The following STAB2 variants were observed in gnomAD, a reference collection of about 807,000 sequenced individuals.
STAB2 encodes stabilin 2.
A neutral mutation model predicts 338.1 loss-of-function variants in STAB2; 288 were observed. The ratio of observed to expected loss-of-function variants is 0.85; its 90% CI spans 0.77 to 0.94. STAB2 has a LOEUF of 0.94. STAB2 is among the 40% of genes least tolerant of loss of function. The pLI is 0.00. For missense variants in STAB2, 3,141 were observed against 3,210.1 expected, an observed-to-expected ratio of 0.98 and a Z score of 0.52; for synonymous variants, 1,202 against 1,193.3, an observed-to-expected ratio of 1.01 and a Z score of -0.15.
At chr12:103,737,597 TC>T (rs1566061768) in intron 52 of STAB2, 36 bp from the exon 53 acceptor site, 269 of 1,323,894 alleles carry the variant, frequency 2.0e-4, no homozygotes, top group East Asian at 6.5e-4. Flanking sequence ...TCTCTCTCTC[TC>T]TCTTTCTCTT....
intron 5 of STAB2, among the ~76,000 whole-genome samples, chr12:103,626,176 G>A (rs975164959): frequency 5.9e-5 from 9 of 152,238 alleles, no homozygotes; most frequent in Non-Finnish European, 8.8e-5. Flanking sequence ...TTGTCTGTTT[G>A]CACTGTCCCA....
At chr12:103,736,175 A>G (rs1263315601) in intron 52 of STAB2, among the ~76,000 whole-genome samples, 2 of 152,246 alleles carry the variant, frequency 1.3e-5, no homozygotes. Context: ...CTTTCATAAA[A>G]GAAATCTTTA....
chr12:103,742,402 C>T lies in STAB2; in HGVS notation c.5882-3C>T, dbSNP rs1335550706. On this transcript the variant is annotated splice_polypyrimidine_tract_variant and splice_region_variant and intron_variant, in intron 55 of 68. Transcript: ENST00000388887. ...TGAGTCACTGCTGTTTCATCTCTTC[C>T]AGCCTGCCCTGGAGGACCAGATGCC... is the stretch of plus-strand genomic sequence containing the variant. 6.2e-7 allele frequency: 1 copy of T among 1,613,930 alleles called. No homozygotes were observed. Among genetic ancestry groups the T allele is most frequent in the East Asian group, 2.2e-5 (1 of 44,886 alleles).
intron 6 of STAB2, among the ~76,000 whole-genome samples, chr12:103,636,565 A>G (rs1957551687): frequency 6.6e-6 from 1 of 152,088 alleles, no homozygotes. Context: ...ATGGGAATTG[A>G]GGTTTGGAAA....
intron 9 of STAB2, among the ~76,000 whole-genome samples, chr12:103,640,693 T>A (rs1342796355): frequency 6.6e-6 from 1 of 152,184 alleles, no homozygotes; most frequent in Non-Finnish European, 1.5e-5. Context: ...GACTCTAGAT[T>A]TCAAAAGAAG....
At chr12:103,641,942 T>G (rs1354610904) in intron 9 of STAB2, among the ~76,000 whole-genome samples, 2 of 152,220 alleles carry the variant, frequency 1.3e-5, no homozygotes, top group African/African-American at 4.8e-5. Flanking sequence ...AAAAATTTAT[T>G]TCATTTATGC....
Position 103,695,620 on chromosome 12 carries a change from A to C in STAB2, c.3446A>C (p.Asp1149Ala), listed in dbSNP as rs1437291630. 6.2e-7 allele frequency: 1 copy of C among 1,614,206 alleles called. No homozygotes were observed. Among genetic ancestry groups the C allele is most frequent in the South Asian group, 1.1e-5 (1 of 91,086 alleles). Residue 1149 changes from aspartate to alanine, a missense_variant, in exon 32 of 69, where the codon GAC (aspartate) becomes GCC (alanine). Coordinates refer to ENST00000388887, the MANE Select transcript of STAB2 (RefSeq NM_017564.10). ...CTCATGCGGCTGGAACAGATGCCTG[A>C]CTATTCCATCTTCCGGGGCTACATC... ...NLLMRLEQMP[D>A]YSIFRGYIIQ...
At chr12:103,686,195 C>A (rs1371255659) in intron 27 of STAB2, among the ~76,000 whole-genome samples, 1 of 152,138 alleles carries the variant, frequency 6.6e-6, no homozygotes, top group Non-Finnish European at 1.5e-5. Flanking sequence ...AAATCACGAG[C>A]CTAACAATTC....
chr12:103,668,708 G>A lies in STAB2; in HGVS notation c.2151G>A (p.Arg717=). The change falls in exon 20 of 69, where the codon CGG becomes CGA. Residue 717 remains arginine (R), a synonymous_variant. Coordinates refer to ENST00000388887, the MANE Select transcript of STAB2 (RefSeq NM_017564.10). ...GGAGCCTGAAGAGCGGCTGTGCCCG[G>A]TACTGCAATGCCACTGTGAAGGTGA... is the stretch of plus-strand genomic sequence containing the variant. ...RFGSLKSGCA[R]YCNATVKIPK... is the part of the protein sequence containing the mutation. 5.8e-6 allele frequency: 9 copies of A among 1,548,778 alleles called. No homozygotes were observed. Among genetic ancestry groups the A allele is most frequent in the Non-Finnish European group, 7.9e-6 (9 of 1,145,300 alleles).
intron 3 of STAB2, among the ~76,000 whole-genome samples, chr12:103,613,124 C>G (rs575139846): frequency 6.6e-6 from 1 of 152,324 alleles, no homozygotes; most frequent in African/African-American, 2.4e-5. Context: ...AGTTAGGCTA[C>G]TTGGGGGTCA....
chr12:103,737,535 T>C (rs1882223195), intron 52 of STAB2, 99 bp from the exon 53 acceptor site: 1 of 1,351,610 alleles, frequency 7.4e-7, no homozygotes, highest in East Asian at 2.5e-5. Flanking sequence ...CCATGTTACA[T>C]GGCTGGGAAA....
chr12:103,737,508 A>T, intron 52 of STAB2, 126 bp from the exon 53 acceptor site: 2 of 1,006,706 alleles, frequency 2.0e-6, no homozygotes, highest in East Asian at 5.3e-5. Flanking sequence ...GTTCTTCCTG[A>T]GTCTTGCAGT....
In STAB2 at chr12:103,685,232, C is replaced by T. The variant is rs1877290160; in HGVS notation, c.2997+148C>T. 9.6e-6 allele frequency: 7 copies of T among 730,576 alleles called. No individual in the cohort carries two copies. The South Asian group carries it at 1.4e-4, about 15-fold the overall frequency. 45.3% of individuals were successfully genotyped at this position (730,576 alleles called of 1,614,324 possible). The stretch of plus-strand genomic sequence containing the variant: ...CTGTTTCTCACAGATGACATACATG[C>T]TCTGTGGGTCACGTTTTCTACAGGC... On this transcript the variant is annotated intron_variant, in intron 27 of 68. Transcript: ENST00000388887.
At chr12:103,675,831 C>A (rs1876291184) in intron 23 of STAB2, 97 bp from the exon 24 acceptor site, 3 of 888,036 alleles carry the variant, frequency 3.4e-6, no homozygotes, top group Non-Finnish European at 5.2e-6. Context: ...AAGGATGGAG[C>A]CATTTGGCCA....
At chr12:103,708,018 A>G (rs1275501308) in intron 38 of STAB2, among the ~76,000 whole-genome samples, 2 of 152,178 alleles carry the variant, frequency 1.3e-5, no homozygotes, top group African/African-American at 2.4e-5. Context: ...CATCTGTGTA[A>G]TTGAGGAAGC....
chr12:103,621,141 A>G (rs752454379), intron 4 of STAB2, among the ~76,000 whole-genome samples: 1 of 152,184 alleles, frequency 6.6e-6, no homozygotes. Flanking sequence ...CTATGTAATA[A>G]CATTTGTTGA....
At chr12:103,708,641 G>A (rs900704656) in intron 39 of STAB2, 105 bp downstream of exon 39, 7 of 1,028,418 alleles carry the variant, frequency 6.8e-6, no homozygotes, top group Non-Finnish European at 8.5e-6. Context: ...TACTTCTTCT[G>A]GCAATAAACA....
chr12:103,742,090 A>G (rs1266350389), intron 55 of STAB2, among the ~76,000 whole-genome samples: 2 of 152,198 alleles, frequency 1.3e-5, no homozygotes, highest in African/African-American at 4.8e-5. Flanking sequence ...CATCATTATT[A>G]TCATCATCAT....
At chr12:103,621,975 T>C (rs1957308834) in intron 4 of STAB2, 67 bp from the exon 5 acceptor site, 2 of 1,482,818 alleles carry the variant, frequency 1.3e-6, no homozygotes, top group Admixed American at 1.8e-5. Flanking sequence ...GAGTTGGAAA[T>C]CCAAGGCCTT....
Sources: allele counts gnomAD v4.1 joint callset (sites outside exome capture counted in the v4.1 genomes callset), GRCh38; gene constraint gnomAD v4.1.1; transcripts MANE v1.5; gene names NCBI Gene and HGNC (gene_info 2026-07-23, HGNC 2026-07-21).